Variants in MRPL1 observed in about 807,000 individuals in gnomAD.
MRPL1 encodes the protein large ribosomal subunit protein uL1m.
A neutral mutation model predicts 38.0 loss-of-function variants in MRPL1; 28 were observed. That is an observed-to-expected ratio of 0.74 (90% CI 0.55 to 1.01). MRPL1 has a LOEUF of 1.01. Among genes scored for constraint, MRPL1 ranks in the 50% least tolerant of loss-of-function variants. MRPL1 has a pLI of 0.00. For missense variants in MRPL1, 358 were observed against 389.8 expected (o/e 0.92, Z 0.69); for synonymous variants, 123 against 126.7 (o/e 0.97, Z 0.20).
At chr4:77,869,063 T>C (rs762530960) in intron 1 of MRPL1, among the ~76,000 whole-genome samples, 2 of 152,062 alleles carry the variant, frequency 1.3e-5, no homozygotes, top group Admixed American at 6.6e-5. Flanking sequence ...AGGTGGTAGG[T>C]GATGGTAGCC....
intron 1 of MRPL1, among the ~76,000 whole-genome samples, chr4:77,867,746 CTTTTTTTTTTTTTT>C (rs71214374): frequency 1.1e-5 from 1 of 92,032 alleles, no homozygotes; most frequent in Non-Finnish European, 2.1e-5. Context: ...ATAGTTATTT[CTTTTTTTTTTTTTT>C]TTTTTTTTTT....
At chr4:77,866,137 T>G (rs1735137273) in intron 1 of MRPL1, among the ~76,000 whole-genome samples, 1 of 152,166 alleles carries the variant, frequency 6.6e-6, no homozygotes, top group South Asian at 2.1e-4. Flanking sequence ...CTGTAACCTG[T>G]GCCTCCCAGG....
chr4:77,882,540 A>G (rs1461195717), intron 2 of MRPL1, among the ~76,000 whole-genome samples: 1 of 152,104 alleles, frequency 6.6e-6, no homozygotes, highest in African/African-American at 2.4e-5. Context: ...TTAGTCTCTT[A>G]GGTTTGCTCA....
chr4:77,948,890 C>T (rs1298544879), intron 7 of MRPL1, among the ~76,000 whole-genome samples: 2 of 151,958 alleles, frequency 1.3e-5, no homozygotes, highest in Admixed American at 6.6e-5. Context: ...CCTGCCTCAG[C>T]CTCCCGAGTA....
chr4:77,885,970 A>G (rs1339556673), intron 4 of MRPL1, among the ~76,000 whole-genome samples: 1 of 152,230 alleles, frequency 6.6e-6, no homozygotes, highest in East Asian at 1.9e-4. Flanking sequence ...CTCTCCCCAG[A>G]CAACAAGATT....
intron 5 of MRPL1, among the ~76,000 whole-genome samples, chr4:77,890,219 C>G (rs1313620680): frequency 2.0e-5 from 3 of 152,120 alleles, no homozygotes; most frequent in African/African-American, 7.2e-5. Context: ...AACATCGATG[C>G]AAAAATCCTC....
At chr4:77,919,328 G>A (rs1466565443) in intron 7 of MRPL1, among the ~76,000 whole-genome samples, 1 of 151,984 alleles carries the variant, frequency 6.6e-6, no homozygotes, top group Admixed American at 6.6e-5. Context: ...TGTAATCGAA[G>A]GCCACTTACA....
chr4:77,923,885 G>A (rs1312571242), intron 7 of MRPL1, among the ~76,000 whole-genome samples: 2 of 151,918 alleles, frequency 1.3e-5, no homozygotes, highest in African/African-American at 2.4e-5. Flanking sequence ...AGGAGAATCG[G>A]TTGAACCTCA....
At chr4:77,889,519 A>G (rs1164716905) in intron 5 of MRPL1, among the ~76,000 whole-genome samples, 1 of 152,220 alleles carries the variant, frequency 6.6e-6, no homozygotes, top group Non-Finnish European at 1.5e-5. Context: ...AATGCCCACA[A>G]GAGAAAGCAG....
At chr4:77,866,804 A>G (rs1338742940) in intron 1 of MRPL1, among the ~76,000 whole-genome samples, 5 of 150,052 alleles carry the variant, frequency 3.3e-5, no homozygotes, top group South Asian at 2.1e-4. Flanking sequence ...CTGGAGTGCA[A>G]TGGCGCGATC....
At chr4:77,906,066 G>A (rs1736151094) in intron 6 of MRPL1, among the ~76,000 whole-genome samples, 1 of 152,182 alleles carries the variant, frequency 6.6e-6, no homozygotes, top group Admixed American at 6.5e-5. Flanking sequence ...ATCAGTCAGG[G>A]AGGTGTGCAT....
In MRPL1 at chr4:77,862,878, A is replaced by G; in HGVS notation, c.30A>G (p.Arg10=). 1.2e-6 allele frequency: 2 copies of G among 1,614,064 alleles called. No individual in the cohort carries two copies. Among genetic ancestry groups the G allele is most frequent in the Non-Finnish European group, 1.7e-6 (2 of 1,179,982 alleles). The change falls in exon 1 of 9, where the codon AGA becomes AGG. Residue 10 remains arginine (R), a splice_region_variant and synonymous_variant. Coordinates refer to ENST00000315567, the MANE Select transcript of MRPL1 (RefSeq NM_020236.4). ...CGGCGGCCGTAAGGTGCATGGGTAG[A>G]GGTAAGGCGAGGGGTTGTCTTGCAG... is the stretch of plus-strand genomic sequence containing the variant. The part of the protein sequence containing the change: MAAAVRCMG[R]ALIHHQRHSL...
intron 7 of MRPL1, among the ~76,000 whole-genome samples, chr4:77,922,104 A>T (rs562616177): frequency 1.3e-5 from 2 of 152,174 alleles, no homozygotes; most frequent in South Asian, 2.1e-4. Context: ...GAAAATAAGT[A>T]AAAAAAAGAA....
intron 7 of MRPL1, among the ~76,000 whole-genome samples, chr4:77,928,287 A>G (rs1462220025): frequency 6.6e-6 from 1 of 152,240 alleles, no homozygotes; most frequent in Non-Finnish European, 1.5e-5. Context: ...GAGTTCAGCC[A>G]AACAGCAAGA....
intron 7 of MRPL1, among the ~76,000 whole-genome samples, chr4:77,932,549 C>T (rs1051726542): frequency 7.9e-5 from 12 of 152,074 alleles, no homozygotes; most frequent in Non-Finnish European, 4.4e-5. Flanking sequence ...TTCCAACATC[C>T]TCTTTGTGAA....
intron 1 of MRPL1, among the ~76,000 whole-genome samples, chr4:77,866,343 C>T (rs1273642165): frequency 1.3e-5 from 2 of 152,236 alleles, no homozygotes; most frequent in African/African-American, 4.8e-5. Context: ...TGAGCCACCA[C>T]ACCCAGCCCA....
intron 7 of MRPL1, 78 bp from the exon 8 acceptor site, chr4:77,949,719 A>T: frequency 9.8e-7 from 1 of 1,017,584 alleles, no homozygotes; most frequent in Non-Finnish European, 1.5e-6. Context: ...TTGGTTGACT[A>T]TTTGAAAAAT....
intron 5 of MRPL1, 54 bp downstream of exon 5, chr4:77,887,345 C>T: frequency 1.5e-6 from 2 of 1,346,898 alleles, no homozygotes; most frequent in Non-Finnish European, 2.1e-6. Flanking sequence ...GTTATCTTTA[C>T]CATTCATTGA....
intron 6 of MRPL1, among the ~76,000 whole-genome samples, chr4:77,897,159 T>C (rs1367201984): frequency 1.3e-5 from 2 of 152,040 alleles, no homozygotes; most frequent in Admixed American, 6.6e-5. Flanking sequence ...CTCCGCCTCC[T>C]GGGTTCAAGT....
Sources: gnomAD v4.1 joint callset for allele counts (sites outside exome capture counted in the v4.1 genomes callset) on GRCh38, gnomAD v4.1.1 for gene constraint, MANE v1.5 for transcripts, NCBI Gene and HGNC (gene_info 2026-07-23, HGNC 2026-07-21) for gene names.